GRM7: variants seen among roughly 807,000 people sequenced by gnomAD.
GRM7 encodes the protein glutamate metabotropic receptor 7.
A neutral mutation model predicts 84.5 loss-of-function variants in GRM7; 35 were observed. The ratio of observed to expected loss-of-function variants is 0.41; its 90% CI spans 0.32 to 0.55. GRM7 has a LOEUF of 0.55. Ranked by LOEUF, GRM7 falls within the 20% of genes least tolerant of loss-of-function variation. GRM7 has a pLI of 0.19. For synonymous variants in GRM7, 487 were observed against 455.1 expected, an observed-to-expected ratio of 1.07 and a Z score of -0.89; for missense variants, 1,003 against 1,194.6, an observed-to-expected ratio of 0.84 and a Z score of 2.36.
At chr3:7,252,491 C>T (rs558169183) in intron 2 of GRM7, among the ~76,000 whole-genome samples, 2 of 152,126 alleles carry the variant, frequency 1.3e-5, no homozygotes, top group South Asian at 4.2e-4. Flanking sequence ...ATGGGTGCTA[C>T]AGAGCAAAGC....
chr3:7,409,096 A>G (rs1054993745), intron 4 of GRM7, among the ~76,000 whole-genome samples: 4 of 152,136 alleles, frequency 2.6e-5, no homozygotes, highest in East Asian at 1.9e-4. Flanking sequence ...TGCCAAGACT[A>G]CTGTTTTTCA....
At position 7,481,075 on chromosome 3, in the gene GRM7, TG is replaced by T. The variant is rs1281685778; in HGVS notation, c.1515+19355del. Among the ~76,000 whole-genome samples the T allele has an allele frequency of 1.3e-4, 18 of 143,368 alleles. 1 individual carries two copies. Among genetic ancestry groups the T allele is most frequent in the Middle Eastern group, 3.4e-3 (1 of 294 alleles). 94.1% of individuals were successfully genotyped at this position (143,368 alleles called of 152,430 possible). On this transcript the variant is annotated intron_variant, in intron 7 of 9. Transcript: ENST00000357716. ...TTTATTGTAAATACAAAGTCTTTATTGGTTTTTTTTTTTTCTTTTTTGAGAC... is the reference window on the plus strand; with the variant it reads ...TTTATTGTAAATACAAAGTCTTTATTGTTTTTTTTTTTTCTTTTTTGAGAC...
intron 2 of GRM7, among the ~76,000 whole-genome samples, chr3:7,155,557 T>C (rs1161981051): frequency 6.6e-6 from 1 of 152,180 alleles, no homozygotes; most frequent in Non-Finnish European, 1.5e-5. Context: ...TAATAAATGG[T>C]TGCTTGCAAA....
intron 7 of GRM7, among the ~76,000 whole-genome samples, chr3:7,570,537 T>A (rs1471555830): frequency 6.6e-6 from 1 of 152,124 alleles, no homozygotes; most frequent in Non-Finnish European, 1.5e-5. Context: ...CACATCCAGG[T>A]CATGCTGATG....
At chr3:7,610,885 A>T (rs1208037664) in intron 8 of GRM7, among the ~76,000 whole-genome samples, 2 of 152,206 alleles carry the variant, frequency 1.3e-5, no homozygotes, top group Non-Finnish European at 2.9e-5. Context: ...TACTTTGGCC[A>T]TCCTGGGCTG....
At chr3:7,349,866 A>C in intron 4 of GRM7, among the ~76,000 whole-genome samples, 1 of 152,128 alleles carries the variant, frequency 6.6e-6, no homozygotes, top group East Asian at 1.9e-4. Flanking sequence ...ATATTAGGTT[A>C]GATTCCTCCT....
intron 1 of GRM7, among the ~76,000 whole-genome samples, chr3:7,064,632 T>C (rs1326152468): frequency 6.6e-6 from 1 of 150,892 alleles, no homozygotes; most frequent in Non-Finnish European, 1.5e-5. Flanking sequence ...GATTTTGCAA[T>C]TGTGAATTGT....
intron 2 of GRM7, among the ~76,000 whole-genome samples, chr3:7,221,565 T>C (rs1226811656): frequency 6.6e-6 from 1 of 151,962 alleles, no homozygotes; most frequent in East Asian, 1.9e-4. Context: ...GCATTTTATA[T>C]TGTAGGGGTG....
At chr3:7,335,355 T>C (rs1463165339) in intron 4 of GRM7, among the ~76,000 whole-genome samples, 3 of 152,018 alleles carry the variant, frequency 2.0e-5, no homozygotes, top group Non-Finnish European at 4.4e-5. Flanking sequence ...TAAAAATTAT[T>C]TGGATTGAAT....
intron 8 of GRM7, among the ~76,000 whole-genome samples, chr3:7,667,860 CAAAAAAAAAA>C (rs61182264): frequency 2.3e-5 from 3 of 128,444 alleles, no homozygotes; most frequent in African/African-American, 8.3e-5. Context: ...AGATTTATGT[CAAAAAAAAAA>C]AAAAAAAACT....
chr3:7,093,646 C>T (rs1446163614), intron 1 of GRM7, among the ~76,000 whole-genome samples: 1 of 126,238 alleles, frequency 7.9e-6, no homozygotes, highest in Non-Finnish European at 1.6e-5. Flanking sequence ...CACTGCACTC[C>T]AGCCTGGGCG....
At chr3:7,682,501 C>G (rs1046048091) in intron 9 of GRM7, among the ~76,000 whole-genome samples, 1 of 150,972 alleles carries the variant, frequency 6.6e-6, no homozygotes, top group African/African-American at 2.4e-5. Context: ...TTCATAAAAC[C>G]TTTTCTTGCA....
intron 2 of GRM7, among the ~76,000 whole-genome samples, chr3:7,166,187 A>G (rs1694792764): frequency 6.6e-6 from 1 of 152,172 alleles, no homozygotes; most frequent in South Asian, 2.1e-4. Flanking sequence ...CGGTATTTAA[A>G]TTATGAACTT....
chr3:7,452,845 G>A (rs1697832093), intron 6 of GRM7, 38 bp downstream of exon 6: 1 of 1,269,910 alleles, frequency 7.9e-7, no homozygotes. Flanking sequence ...GGAATCCTAA[G>A]TGTTGGCATT....
intron 1 of GRM7, among the ~76,000 whole-genome samples, chr3:6,967,309 C>G (rs1200203360): frequency 6.6e-6 from 1 of 152,172 alleles, no homozygotes; most frequent in African/African-American, 2.4e-5. Context: ...CTTCCCAGCT[C>G]AGCCTCCAGA....
intron 4 of GRM7, among the ~76,000 whole-genome samples, chr3:7,387,796 T>C (rs1694842508): frequency 6.6e-6 from 1 of 152,172 alleles, no homozygotes; most frequent in Non-Finnish European, 1.5e-5. Context: ...ATATGAATTT[T>C]AGGATAGTTT....
chr3:7,052,030 A>G lies in GRM7; in HGVS notation c.520-94422A>G, dbSNP rs562036018. Among the ~76,000 whole-genome samples the G allele has an allele frequency of 4.6e-4, 70 of 151,896 alleles. 2 individuals are homozygous for G. The South Asian group carries it at 0.014, about 31-fold the overall frequency. Reference sequence around the variant, plus strand: ...AATTGGGGAGTCATAATGTAATAAAATAACAAATTATGTTAGGAAAAAGTC... The same window carrying G: ...AATTGGGGAGTCATAATGTAATAAAGTAACAAATTATGTTAGGAAAAAGTC... On this transcript the variant is annotated intron_variant, in intron 1 of 9. Coordinates refer to ENST00000357716, the MANE Select transcript of GRM7 (RefSeq NM_000844.4).
chr3:7,476,709 C>T (rs1698935964), intron 7 of GRM7, among the ~76,000 whole-genome samples: 1 of 152,196 alleles, frequency 6.6e-6, no homozygotes, highest in Admixed American at 6.5e-5. Flanking sequence ...TTCCCTCCTT[C>T]CAGAATCAGA....
chr3:7,559,394 T>C (rs1693912432), intron 7 of GRM7: 1 of 152,070 alleles, frequency 6.6e-6, no homozygotes, highest in African/African-American at 2.4e-5. Context: ...TTGCTGCCTC[T>C]AGGGTGGCCA....
Sources: gnomAD v4.1 joint callset for allele counts (sites outside exome capture counted in the v4.1 genomes callset) on GRCh38, gnomAD v4.1.1 for gene constraint, MANE v1.5 for transcripts, NCBI Gene and HGNC (gene_info 2026-07-23, HGNC 2026-07-21) for gene names.